SGCZ: variants seen among roughly 807,000 people sequenced by gnomAD.
SGCZ encodes the protein sarcoglycan zeta.
A neutral mutation model predicts 41.3 loss-of-function variants in SGCZ; 40 were observed. The ratio of observed to expected loss-of-function variants is 0.97; its 90% CI spans 0.75 to 1.26. SGCZ has a LOEUF of 1.26. SGCZ is among the 50% of genes most tolerant of loss of function. SGCZ has a pLI of 0.00. For synonymous variants in SGCZ, 206 were observed against 137.5 expected (o/e 1.50, Z -3.49); for missense variants, 552 against 369.8 (o/e 1.49, Z -4.04).
chr8:14,584,547 G>A (rs1328357757), intron 1 of SGCZ, among the ~76,000 whole-genome samples: 1 of 152,124 alleles, frequency 6.6e-6, no homozygotes, highest in African/African-American at 2.4e-5. Context: ...TGAGAAACGT[G>A]ACATGAGGAA....
chr8:14,133,070 C>A (rs1210354986), intron 5 of SGCZ, among the ~76,000 whole-genome samples: 1 of 152,122 alleles, frequency 6.6e-6, no homozygotes, highest in Non-Finnish European at 1.5e-5. Flanking sequence ...TCAGTTATTG[C>A]AGATTGGCTC....
chr8:14,949,514 A>C (rs961233437), intron 1 of SGCZ, among the ~76,000 whole-genome samples: 3 of 152,130 alleles, frequency 2.0e-5, no homozygotes, highest in African/African-American at 7.2e-5. Context: ...TTATCATAAG[A>C]AGTTATTATT....
rs1006059929 is a variant in SGCZ at position 14,230,374 on chromosome 8, G to A, written c.424+7218C>T. On this transcript the variant is annotated intron_variant, in intron 4 of 7. Coordinates refer to ENST00000382080, the MANE Select transcript of SGCZ (RefSeq NM_139167.4). Reference sequence around the variant, plus strand: ...ATACATAATGCATACTATGCTCCAGGAAGCGTTCCAATACCTTACTATATG... The same window carrying A: ...ATACATAATGCATACTATGCTCCAGAAAGCGTTCCAATACCTTACTATATG... Among the ~76,000 whole-genome samples the A allele has an allele frequency of 5.7e-4, 86 of 152,154 alleles. 1 individual carries two copies. The highest frequency in any genetic ancestry group is 8.8e-5 in the Non-Finnish European group (6 of 67,972).
chr8:14,729,103 T>C (rs979153474), intron 1 of SGCZ, among the ~76,000 whole-genome samples: 7 of 152,154 alleles, frequency 4.6e-5, no homozygotes, highest in Non-Finnish European at 1.0e-4. Flanking sequence ...TGATCTCCCT[T>C]AAGAAACCCA....
At chr8:14,523,287 C>T (rs1314754295) in intron 2 of SGCZ, among the ~76,000 whole-genome samples, 5 of 151,842 alleles carry the variant, frequency 3.3e-5, no homozygotes, top group African/African-American at 1.2e-4. Flanking sequence ...ATTTTCATTT[C>T]CCTTTTATTA....
chr8:14,661,345 A>C (rs1807740692), intron 1 of SGCZ, among the ~76,000 whole-genome samples: 1 of 152,162 alleles, frequency 6.6e-6, no homozygotes, highest in African/African-American at 2.4e-5. Context: ...ACAACCATTG[A>C]ATGGCCTAGA....
intron 5 of SGCZ, among the ~76,000 whole-genome samples, chr8:14,120,658 A>C: frequency 6.6e-6 from 1 of 152,224 alleles, no homozygotes. Context: ...AAAATCCAAA[A>C]GAATCTACAG....
intron 4 of SGCZ, among the ~76,000 whole-genome samples, chr8:14,233,723 T>C (rs1163642809): frequency 6.6e-6 from 1 of 151,192 alleles, no homozygotes; most frequent in East Asian, 1.9e-4. Flanking sequence ...CATCATGTTA[T>C]CAACATATAT....
In SGCZ at chr8:14,281,868, CTT is replaced by C. The variant is rs11297234; in HGVS notation, c.336+42233_336+42234del. ...TTAAGTTTGTCAGAACCATACTGTT[CTT>C]TTTTTTTATTATCTAAACCTCAATG... On this transcript the variant is annotated intron_variant, in intron 3 of 7. Transcript: ENST00000382080. Among the ~76,000 whole-genome samples the C allele has an allele frequency of 3.9e-3, 586 of 151,782 alleles. 3 individuals are homozygous for C. The highest frequency in any genetic ancestry group is 0.013 in the African/African-American group (533 of 41,348).
intron 1 of SGCZ, among the ~76,000 whole-genome samples, chr8:14,782,122 T>G (rs947662680): frequency 5.9e-5 from 9 of 152,176 alleles, no homozygotes; most frequent in Non-Finnish European, 5.9e-5. Flanking sequence ...CCCAATTTCC[T>G]TGTCTATAAA....
At chr8:15,185,675 G>A (rs2117097522) in intron 1 of SGCZ, among the ~76,000 whole-genome samples, 1 of 152,168 alleles carries the variant, frequency 6.6e-6, no homozygotes, top group East Asian at 1.9e-4. Flanking sequence ...AAGTTCTGTT[G>A]GACCACACTG....
chr8:14,548,086 C>A (rs73533129), intron 2 of SGCZ, among the ~76,000 whole-genome samples: 12,391 of 152,092 alleles, frequency 0.081, 688 homozygotes, highest in African/African-American at 0.15. Context: ...TTCTGGAACA[C>A]TTTTATTATT....
chr8:14,127,970 T>C (rs1238179414), intron 5 of SGCZ, among the ~76,000 whole-genome samples: 2 of 152,192 alleles, frequency 1.3e-5, no homozygotes, highest in East Asian at 3.9e-4. Flanking sequence ...TCCTTCTTTG[T>C]ATACATAAGT....
At chr8:15,062,108 C>G (rs1804960795) in intron 1 of SGCZ, among the ~76,000 whole-genome samples, 1 of 152,224 alleles carries the variant, frequency 6.6e-6, no homozygotes, top group Admixed American at 6.5e-5. Flanking sequence ...TTGCTGTAAC[C>G]TCTCCCTAAA....
At chr8:14,187,957 T>G (rs990935920) in intron 4 of SGCZ, among the ~76,000 whole-genome samples, 1 of 152,006 alleles carries the variant, frequency 6.6e-6, no homozygotes, top group Non-Finnish European at 1.5e-5. Flanking sequence ...AAATGACTCA[T>G]TGGTTATAAG....
chr8:15,191,937 A>C (rs1454004572), intron 1 of SGCZ, among the ~76,000 whole-genome samples: 2 of 152,208 alleles, frequency 1.3e-5, no homozygotes, highest in African/African-American at 4.8e-5. Context: ...AGCTCTCATT[A>C]TACAACCCTG....
intron 2 of SGCZ, among the ~76,000 whole-genome samples, chr8:14,436,805 G>C (rs190852638): frequency 2.0e-5 from 3 of 152,204 alleles, no homozygotes; most frequent in South Asian, 2.1e-4. Context: ...TAGAGGAAAA[G>C]CACTTGTGTG....
At chr8:14,934,410 T>C (rs924340814) in intron 1 of SGCZ, among the ~76,000 whole-genome samples, 7 of 151,910 alleles carry the variant, frequency 4.6e-5, no homozygotes, top group African/African-American at 1.2e-4. Flanking sequence ...ATCAAGATTA[T>C]TGAGCAAAGA....
intron 1 of SGCZ, among the ~76,000 whole-genome samples, chr8:15,180,888 A>G (rs951690900): frequency 8.2e-5 from 12 of 146,976 alleles, no homozygotes; most frequent in African/African-American, 3.1e-4. Context: ...CTCCATCTCA[A>G]AAAAAAAAAA....
Sources: gnomAD v4.1 joint callset for allele counts (sites outside exome capture counted in the v4.1 genomes callset) on GRCh38, gnomAD v4.1.1 for gene constraint, MANE v1.5 for transcripts, NCBI Gene and HGNC (gene_info 2026-07-23, HGNC 2026-07-21) for gene names.